Variants in KLHL2 observed in about 807,000 individuals in gnomAD.
KLHL2 encodes the protein kelch-like protein 2.
Under a neutral mutation model 75.8 loss-of-function variants are expected in KLHL2, and 15 were observed. The ratio of observed to expected loss-of-function variants is 0.20; its 90% confidence interval spans 0.13 to 0.30. The LOEUF is 0.30. Ranked by LOEUF, KLHL2 falls within the 10% of genes least tolerant of loss-of-function variation. The pLI is 1.00. For missense variants in KLHL2, 381 were observed against 741.0 expected, an observed-to-expected ratio of 0.51 and a Z score of 5.64; for synonymous variants, 214 against 251.9, an observed-to-expected ratio of 0.85 and a Z score of 1.42.
chr4:165,306,242 G>A (rs1015263687), intron 9 of KLHL2, among the ~76,000 whole-genome samples: 1 of 152,122 alleles, frequency 6.6e-6, no homozygotes, highest in Non-Finnish European at 1.5e-5. Context: ...CTCCCATAGC[G>A]AAATGAGTTC....
intron 2 of KLHL2, among the ~76,000 whole-genome samples, chr4:165,221,160 G>A (rs1467951607): frequency 6.6e-6 from 1 of 152,182 alleles, no homozygotes; most frequent in East Asian, 1.9e-4. Flanking sequence ...TAGGTACAAT[G>A]GTGAGCAAGA....
chr4:165,321,303 C>G (rs368350712), intron 14 of KLHL2: 4 of 455,952 alleles, frequency 8.8e-6, no homozygotes, highest in East Asian at 1.4e-4. Flanking sequence ...TCTTTCTCCT[C>G]CTCCTCAGCC....
At chr4:165,240,969 G>T (rs1739775291) in intron 4 of KLHL2, among the ~76,000 whole-genome samples, 1 of 152,134 alleles carries the variant, frequency 6.6e-6, no homozygotes, top group Non-Finnish European at 1.5e-5. Context: ...TGAAATATTA[G>T]TCATCACAGC....
chr4:165,258,582 G>A (rs1271830164), intron 4 of KLHL2, among the ~76,000 whole-genome samples: 2 of 152,118 alleles, frequency 1.3e-5, no homozygotes, highest in Non-Finnish European at 2.9e-5. Flanking sequence ...TTGCTTCAGA[G>A]AGCTCAGAAA....
chr4:165,219,465 T>C (rs1481994575), intron 1 of KLHL2, among the ~76,000 whole-genome samples: 1 of 152,268 alleles, frequency 6.6e-6, no homozygotes, highest in Non-Finnish European at 1.5e-5. Flanking sequence ...TTAGTATAGG[T>C]CAAAATATAT....
At chr4:165,260,981 C>A (rs1247081733) in intron 4 of KLHL2, among the ~76,000 whole-genome samples, 1 of 152,186 alleles carries the variant, frequency 6.6e-6, no homozygotes, top group Admixed American at 6.5e-5. Context: ...TTTTCCTCAT[C>A]GTTCTGTGTG....
chr4:165,271,494 T>C (rs1020430511), intron 5 of KLHL2, among the ~76,000 whole-genome samples: 2 of 152,230 alleles, frequency 1.3e-5, no homozygotes, highest in African/African-American at 4.8e-5. Context: ...TTATGTACAT[T>C]GATTTTGTAA....
At chr4:165,311,684 AGTC>A in intron 11 of KLHL2, 119 bp downstream of exon 11, 1 of 710,076 alleles carries the variant, frequency 1.4e-6, no homozygotes, top group Non-Finnish European at 2.4e-6. Flanking sequence ...TAAAAAGAAA[AGTC>A]GTAATTACTG....
At chr4:165,248,670 T>C (rs1194047916) in intron 4 of KLHL2, among the ~76,000 whole-genome samples, 1 of 152,186 alleles carries the variant, frequency 6.6e-6, no homozygotes, top group Non-Finnish European at 1.5e-5. Context: ...AGAGAAAAAT[T>C]AGAGACAAGA....
chr4:165,269,138 CTTT>C (rs1213125826), intron 5 of KLHL2, among the ~76,000 whole-genome samples: 1 of 151,118 alleles, frequency 6.6e-6, no homozygotes, highest in African/African-American at 2.4e-5. Context: ...GCAACCCCTG[CTTT>C]TTTTTTGTTT....
chr4:165,303,494 G>GCCCCCCA (rs527398400), intron 8 of KLHL2, among the ~76,000 whole-genome samples: 1 of 113,294 alleles, frequency 8.8e-6, no homozygotes, highest in Non-Finnish European at 2.2e-5. Context: ...TTACAACCTT[G>GCCCCCCA]CCCCCCCCGC....
intron 8 of KLHL2, among the ~76,000 whole-genome samples, chr4:165,304,743 A>G (rs1325404108): frequency 6.6e-6 from 1 of 152,232 alleles, no homozygotes; most frequent in East Asian, 1.9e-4. Flanking sequence ...AGTTACGTCT[A>G]TACTAATCAC....
intron 4 of KLHL2, chr4:165,240,211 C>T (rs1739706257): frequency 6.6e-6 from 1 of 152,132 alleles, no homozygotes; most frequent in African/African-American, 2.4e-5. Flanking sequence ...TTGAGGACAA[C>T]AAAAATAACT....
intron 4 of KLHL2, among the ~76,000 whole-genome samples, chr4:165,243,499 C>G (rs1739986997): frequency 6.6e-6 from 1 of 152,142 alleles, no homozygotes; most frequent in South Asian, 2.1e-4. Flanking sequence ...TTAAAAAGTT[C>G]ATGAAATATA....
chr4:165,283,528 C>T (rs1189920695), intron 5 of KLHL2, among the ~76,000 whole-genome samples: 1 of 152,234 alleles, frequency 6.6e-6, no homozygotes, highest in African/African-American at 2.4e-5. Context: ...CCTTTGACTG[C>T]ATGTCTCACA....
At chr4:165,287,697 C>G (rs1415304293) in intron 5 of KLHL2, among the ~76,000 whole-genome samples, 5 of 152,226 alleles carry the variant, frequency 3.3e-5, no homozygotes, top group African/African-American at 1.2e-4. Context: ...AGTAGCCACC[C>G]TAATGGGTGT....
At chr4:165,298,387 TTC>T (rs1451384805) in intron 7 of KLHL2, among the ~76,000 whole-genome samples, 1 of 152,322 alleles carries the variant, frequency 6.6e-6, no homozygotes, top group East Asian at 1.9e-4. Flanking sequence ...TGCATTTGAT[TTC>T]TGTCTTTATT....
intron 5 of KLHL2, chr4:165,279,182 C>A: frequency 1.3e-6 from 2 of 1,581,998 alleles, no homozygotes; most frequent in Non-Finnish European, 1.7e-6. Context: ...GAGGAGCCAG[C>A]GAAGTTTCAC....
chr4:165,306,618 A>G (rs1745747871), intron 9 of KLHL2, among the ~76,000 whole-genome samples: 1 of 152,228 alleles, frequency 6.6e-6, no homozygotes, highest in African/African-American at 2.4e-5. Context: ...GTACTTTGTA[A>G]TTAAATGTTT....
Sources: gnomAD v4.1 joint callset for allele counts (sites outside exome capture counted in the v4.1 genomes callset) on GRCh38, gnomAD v4.1.1 for gene constraint, MANE v1.5 for transcripts, NCBI Gene and HGNC (gene_info 2026-07-23, HGNC 2026-07-21) for gene names.